Variants in ABCC2 observed in about 807,000 individuals in gnomAD.
ABCC2 encodes ATP-binding cassette sub-family C member 2.
Under a neutral mutation model 173.4 loss-of-function variants are expected in ABCC2, and 157 were observed. That is an observed-to-expected ratio of 0.91 (90% CI 0.80 to 1.03). The LOEUF is 1.03. ABCC2 is among the 50% of genes least tolerant of loss of function. ABCC2 has a pLI of 0.00. For missense variants in ABCC2, 1,822 were observed against 1,852.3 expected (o/e 0.98, Z 0.30); for synonymous variants, 657 against 693.5 (o/e 0.95, Z 0.83).
chr10:99,796,790 C>A (rs1382144054), intron 6 of ABCC2, among the ~76,000 whole-genome samples: 1 of 152,138 alleles, frequency 6.6e-6, no homozygotes, highest in Non-Finnish European at 1.5e-5. Flanking sequence ...CAAGGAGGCC[C>A]CCAAGGAGAT....
In ABCC2 at chr10:99,850,582, G is replaced by A; in HGVS notation, c.4314-20G>A. Reference sequence around the variant, plus strand: ...CTTGGTCTTTAGGAGCTAACACATGGTTGCTTCTATTGGCTGCAGCATAGG... The same window carrying A: ...CTTGGTCTTTAGGAGCTAACACATGATTGCTTCTATTGGCTGCAGCATAGG... On this transcript the variant is annotated intron_variant, in intron 30 of 31. Transcript: ENST00000647814. The A allele has an allele frequency of 5.6e-6, 9 of 1,613,466 alleles. No homozygotes were observed. The highest frequency in any genetic ancestry group is 7.6e-6 in the Non-Finnish European group (9 of 1,179,584).
At chr10:99,805,080 G>A (rs1368737325) in intron 10 of ABCC2, among the ~76,000 whole-genome samples, 1 of 152,344 alleles carries the variant, frequency 6.6e-6, no homozygotes, top group African/African-American at 2.4e-5. Flanking sequence ...ATACAAGCCT[G>A]ACTGTAAAGG....
intron 16 of ABCC2, among the ~76,000 whole-genome samples, chr10:99,816,116 T>C (rs1406656121): frequency 6.6e-6 from 1 of 151,420 alleles, no homozygotes; most frequent in Non-Finnish European, 1.5e-5. Flanking sequence ...TACAGGCACA[T>C]GCCACCATGC....
intron 16 of ABCC2, 141 bp from the exon 17 acceptor site, chr10:99,817,167 A>G (rs2038433887): frequency 1.3e-6 from 1 of 758,562 alleles, no homozygotes; most frequent in Admixed American, 2.0e-5. Flanking sequence ...ACGTGAATAC[A>G]TATCAGATCC....
At chr10:99,795,742 A>AGAAG (rs1363854623) in intron 6 of ABCC2, among the ~76,000 whole-genome samples, 1 of 32,554 alleles carries the variant, frequency 3.1e-5, no homozygotes, top group Admixed American at 2.9e-4. Context: ...AAAGAAGGAA[A>AGAAG]GAAAGAAAGA....
At chr10:99,820,390 TCACACA>T (rs10555122) in intron 19 of ABCC2, among the ~76,000 whole-genome samples, 2 of 146,448 alleles carry the variant, frequency 1.4e-5, no homozygotes, top group Admixed American at 6.9e-5. Context: ...AAACTCCATC[TCACACA>T]CACACACACA....
At chr10:99,794,195 T>C (rs2037857148) in intron 5 of ABCC2, among the ~76,000 whole-genome samples, 196 bp downstream of exon 5, 1 of 152,218 alleles carries the variant, frequency 6.6e-6, no homozygotes, top group Admixed American at 6.5e-5. Context: ...ATTGTCAGTG[T>C]AATTAATTCA....
chr10:99,799,185 T>G, intron 7 of ABCC2, 22 bp from the exon 8 acceptor site: 1 of 1,613,606 alleles, frequency 6.2e-7, no homozygotes, highest in Non-Finnish European at 8.5e-7. Context: ...CTGTGGACAC[T>G]GTTGTTTGGT....
chr10:99,810,190 A>G lies in ABCC2; in HGVS notation c.1872A>G (p.Thr624=). The G allele has an allele frequency of 6.2e-7, 1 of 1,613,674 alleles. No homozygotes were observed. The highest frequency in any genetic ancestry group is 1.1e-5 in the South Asian group (1 of 91,084). The part of the protein sequence containing the change: ...EKYLGGDDLD[T]SAIRHDCNFD... ...ACTTGGGAGGGGATGACTTGGACAC[A>G]TCTGCCATTCGACATGACTGCAATT... is the stretch of plus-strand genomic sequence containing the variant. Residue 624 remains threonine (T), a synonymous_variant, in exon 14 of 32, where the codon ACA becomes ACG. Coordinates refer to ENST00000647814, the MANE Select transcript of ABCC2 (RefSeq NM_000392.5).
At chr10:99,783,444 G>A (rs535938874) in intron 1 of ABCC2, among the ~76,000 whole-genome samples, 3 of 152,204 alleles carry the variant, frequency 2.0e-5, no homozygotes, top group South Asian at 4.2e-4. Context: ...GTAACATTAC[G>A]GAGTCATAGA....
intron 23 of ABCC2, among the ~76,000 whole-genome samples, chr10:99,833,950 C>T (rs1753283654): frequency 6.6e-6 from 1 of 152,176 alleles, no homozygotes; most frequent in Non-Finnish European, 1.5e-5. Context: ...CACATCTGTT[C>T]CCGCTGGGTT....
Position 99,793,948 on chromosome 10 carries a change from G to T in ABCC2, c.525G>T (p.Gln175His). 1 of 1,613,786 alleles carries T rather than the reference G, an allele frequency of 6.2e-7. No individual in the cohort carries two copies. The highest frequency in any genetic ancestry group is 8.5e-7 in the Non-Finnish European group (1 of 1,179,874). Residue 175 changes from glutamine to histidine, a missense_variant, in exon 5 of 32, where the codon CAG becomes CAT. Coordinates refer to ENST00000647814, the MANE Select transcript of ABCC2 (RefSeq NM_000392.5). The part of the protein sequence containing the change: ...SCLFFISYGF[Q>H]ILILIFSAFS... ...TGTTCTTCATCTCCTACGGATTCCA[G>T]ATCCTGATCCTGATCTTTTCAGCAT...
chr10:99,831,519 G>C, intron 21 of ABCC2, 92 bp from the exon 22 acceptor site: 2 of 1,259,880 alleles, frequency 1.6e-6, no homozygotes, highest in Non-Finnish European at 2.3e-6. Flanking sequence ...GCTCCCAGGG[G>C]ACTCCACTTC....
chr10:99,791,898 T>G (rs1442873180), intron 2 of ABCC2, among the ~76,000 whole-genome samples: 1 of 152,194 alleles, frequency 6.6e-6, no homozygotes, highest in Non-Finnish European at 1.5e-5. Context: ...CTGTCACTTC[T>G]GCCATTTTCT....
At chr10:99,849,355 AGTCT>A (rs2039059322) in intron 30 of ABCC2, among the ~76,000 whole-genome samples, 1 of 152,234 alleles carries the variant, frequency 6.6e-6, no homozygotes, top group Admixed American at 6.5e-5. Flanking sequence ...ATGCCAGTAC[AGTCT>A]GTGCTACAGA....
intron 4 of ABCC2, 63 bp from the exon 5 acceptor site, chr10:99,793,829 C>A: frequency 6.4e-7 from 1 of 1,564,668 alleles, no homozygotes; most frequent in Non-Finnish European, 8.8e-7. Flanking sequence ...TTGATATATA[C>A]GGGCCATGTA....
At chr10:99,818,747 G>A (rs1362359228) in intron 17 of ABCC2, 43 bp from the exon 18 acceptor site, 3 of 1,607,768 alleles carry the variant, frequency 1.9e-6, no homozygotes, top group East Asian at 2.2e-5. Flanking sequence ...TGTGAAGGTG[G>A]ATCTAGGGAG....
intron 24 of ABCC2, among the ~76,000 whole-genome samples, chr10:99,834,887 C>G (rs117457883): frequency 1.3e-5 from 2 of 152,190 alleles, no homozygotes; most frequent in Non-Finnish European, 2.9e-5. Context: ...ACGATTAGGT[C>G]GGTTCCAGAA....
chr10:99,819,087 A>G lies in ABCC2; in HGVS notation c.2440-2A>G. The G allele has an allele frequency of 6.2e-7, 1 of 1,614,146 alleles. No homozygotes were observed. The highest frequency in any genetic ancestry group is 2.2e-5 in the East Asian group (1 of 44,884). ...CAACACAACTTCATATTATTTTTAT[A>G]GACTCGACTCTTGGTTACACATAGC... On this transcript the variant is annotated splice_acceptor_variant, in intron 18 of 31. Transcript: ENST00000647814. LOFTEE classifies it high-confidence loss of function.
Sources: allele counts gnomAD v4.1 joint callset (sites outside exome capture counted in the v4.1 genomes callset), GRCh38; gene constraint gnomAD v4.1.1; transcripts MANE v1.5; gene names NCBI Gene and HGNC (gene_info 2026-07-23, HGNC 2026-07-21).